The following PRKCB variants were observed in gnomAD, a reference collection of about 807,000 sequenced individuals.
The protein encoded by PRKCB is protein kinase C beta.
A neutral mutation model predicts 81.5 loss-of-function variants in PRKCB; 13 were observed. The observed-to-expected ratio is 0.16, with a 90% CI of 0.10 to 0.25. PRKCB has a LOEUF of 0.25. PRKCB is among the 10% of genes least tolerant of loss of function. The pLI, the probability that PRKCB is intolerant of heterozygous loss-of-function variation, is 1.00. For missense variants in PRKCB, 509 were observed against 875.7 expected (o/e 0.58, Z 5.29); for synonymous variants, 335 against 321.4 (o/e 1.04, Z -0.45).
chr16:24,045,980 C>A (rs945319353), intron 5 of PRKCB, among the ~76,000 whole-genome samples: 2 of 152,216 alleles, frequency 1.3e-5, no homozygotes, highest in African/African-American at 4.8e-5. Context: ...GGTGTCAGTC[C>A]CGCCAGGGCT....
chr16:23,897,735 C>T (rs1229577256), intron 2 of PRKCB, among the ~76,000 whole-genome samples: 1 of 152,186 alleles, frequency 6.6e-6, no homozygotes, highest in African/African-American at 2.4e-5. Flanking sequence ...GACTGGACTA[C>T]TTGATCTCTC....
At chr16:23,982,087 T>TA (rs1964734106) in intron 2 of PRKCB, among the ~76,000 whole-genome samples, 1 of 100,444 alleles carries the variant, frequency 1.0e-5, no homozygotes, top group South Asian at 3.6e-4. Context: ...CCCTTTCCCT[T>TA]CCCTTTCCTT....
At chr16:24,162,694 T>C (rs1967278118) in intron 10 of PRKCB, among the ~76,000 whole-genome samples, 1 of 151,838 alleles carries the variant, frequency 6.6e-6, no homozygotes, top group Admixed American at 6.6e-5. Context: ...GCTCAAGTAG[T>C]CCCCATACCT....
intron 13 of PRKCB, among the ~76,000 whole-genome samples, chr16:24,184,662 G>A (rs773019827): frequency 1.8e-4 from 28 of 152,048 alleles, no homozygotes; most frequent in Non-Finnish European, 3.8e-4. Flanking sequence ...CTTTTATAAA[G>A]AAATATTAAA....
chr16:24,215,544 C>T lies in PRKCB; in HGVS notation c.*728C>T, dbSNP rs976177574. On this transcript the variant is annotated 3_prime_UTR_variant, in exon 17 of 17. Coordinates refer to ENST00000643927, the MANE Select transcript of PRKCB (RefSeq NM_002738.7). The stretch of plus-strand genomic sequence containing the variant: ...TTTGGCACCACTCTCTGAAACAACA[C>T]AGTCACTCTAGCAAGGCCCCCAAAG... 3.0e-6 allele frequency: 3 copies of T among 985,598 alleles called. No individual in the cohort carries two copies. Among genetic ancestry groups the T allele is most frequent in the African/African-American group, 1.7e-5 (1 of 57,186 alleles). 61.1% of individuals were successfully genotyped at this position (985,598 alleles called of 1,614,324 possible).
At chr16:24,001,326 G>T (rs934989636) in intron 3 of PRKCB, among the ~76,000 whole-genome samples, 1 of 152,116 alleles carries the variant, frequency 6.6e-6, no homozygotes, top group African/African-American at 2.4e-5. Flanking sequence ...CCACTGTTAG[G>T]TCCTGTGATC....
rs905397219 is a variant in PRKCB, at chr16:23,859,258, C to A, written c.205+21852C>A. Reference sequence around the variant, plus strand: ...GAAGGTCCAGGTTCAGCTACTCCACCAGTATCCCTGGTCAGTCTTTGGCCA... The same window carrying A: ...GAAGGTCCAGGTTCAGCTACTCCACAAGTATCCCTGGTCAGTCTTTGGCCA... On this transcript the variant is annotated intron_variant, in intron 2 of 16. Transcript: ENST00000643927. Among the ~76,000 whole-genome samples the A allele has an allele frequency of 7.9e-5, 12 of 152,228 alleles. 1 individual carries two copies. Among genetic ancestry groups the A allele is most frequent in the Admixed American group, 4.6e-4 (7 of 15,288 alleles).
In PRKCB at chr16:24,218,886, G is replaced by T. The variant is rs1968275122; in HGVS notation, c.*4070G>T. ...TCCCTCCAGTCCGAGAGACTGTGATGAGGCCTACATAGCAGCGATGTGGTC... is the reference window on the plus strand; with the variant it reads ...TCCCTCCAGTCCGAGAGACTGTGATTAGGCCTACATAGCAGCGATGTGGTC... On this transcript the variant is annotated 3_prime_UTR_variant, in exon 17 of 17. Transcript: ENST00000643927. 5 of 985,406 alleles carry T rather than the reference G, an allele frequency of 5.1e-6. No individual in the cohort carries two copies. Among genetic ancestry groups the T allele is most frequent in the Non-Finnish European group, 6.0e-6 (5 of 829,936 alleles). The allele number at this position is 985,406 out of a possible 1,614,324, so 61.0% of individuals were successfully genotyped here.
chr16:24,083,426 C>G (rs1392356827), intron 5 of PRKCB, among the ~76,000 whole-genome samples: 1 of 152,176 alleles, frequency 6.6e-6, no homozygotes, highest in African/African-American at 2.4e-5. Context: ...ATTTGAAGAC[C>G]ACTGAAATAT....
chr16:23,901,854 A>T (rs1428070604), intron 2 of PRKCB, among the ~76,000 whole-genome samples: 1 of 152,180 alleles, frequency 6.6e-6, no homozygotes, highest in Admixed American at 6.5e-5. Flanking sequence ...TTGCAAATAC[A>T]CACTGGAAGT....
At chr16:23,867,027 T>C (rs994954133) in intron 2 of PRKCB, among the ~76,000 whole-genome samples, 2 of 99,890 alleles carry the variant, frequency 2.0e-5, no homozygotes, top group Admixed American at 1.0e-4. Flanking sequence ...CTTCCTTCCT[T>C]CCTTCCTTCC....
At chr16:24,006,748 G>A (rs530573420) in intron 3 of PRKCB, among the ~76,000 whole-genome samples, 6 of 152,112 alleles carry the variant, frequency 3.9e-5, no homozygotes, top group Non-Finnish European at 5.9e-5. Flanking sequence ...CTCTTGGGTC[G>A]GGCTTTTAAA....
intron 7 of PRKCB, among the ~76,000 whole-genome samples, chr16:24,096,589 T>C (rs958854512): frequency 6.0e-5 from 9 of 149,748 alleles, no homozygotes; most frequent in Non-Finnish European, 1.2e-4. Flanking sequence ...TGGGGTGTTG[T>C]TTTCATAGTC....
intron 10 of PRKCB, among the ~76,000 whole-genome samples, chr16:24,168,716 A>ATTT (rs945320742): frequency 2.7e-5 from 2 of 74,520 alleles, no homozygotes; most frequent in African/African-American, 4.6e-5. Flanking sequence ...ATGCCTGGCT[A>ATTT]TTTTTTTTTT....
intron 2 of PRKCB, among the ~76,000 whole-genome samples, chr16:23,961,580 A>T (rs1260072633): frequency 6.6e-6 from 1 of 152,172 alleles, no homozygotes; most frequent in Non-Finnish European, 1.5e-5. Context: ...TTTCATTCTC[A>T]TTGGCCTGTG....
intron 8 of PRKCB, among the ~76,000 whole-genome samples, chr16:24,114,179 A>G (rs915053735): frequency 1.4e-5 from 2 of 147,284 alleles, no homozygotes; most frequent in Non-Finnish European, 3.0e-5. Context: ...GTGCCACTGC[A>G]TGATCAGTAA....
Position 23,856,648 on chromosome 16 carries a change from T to C in PRKCB, c.205+19242T>C, listed in dbSNP as rs117212688. ...AAGAGATCCTCCCACCTCATTCTCATGAGTAGCTGGGACTTGAGGCACATG... is the reference window on the plus strand; with the variant it reads ...AAGAGATCCTCCCACCTCATTCTCACGAGTAGCTGGGACTTGAGGCACATG... On this transcript the variant is annotated intron_variant, in intron 2 of 16. Transcript: ENST00000643927. 1.4e-3 allele frequency among the ~76,000 whole-genome samples: 209 copies of C among 152,126 alleles called. 7 individuals carry two copies. In the East Asian group the frequency reaches 0.035, roughly 25 times the overall value.
intron 2 of PRKCB, among the ~76,000 whole-genome samples, chr16:23,945,893 C>T (rs139064217): frequency 4.8e-4 from 73 of 152,222 alleles, no homozygotes; most frequent in African/African-American, 1.7e-3. Flanking sequence ...AAGAGATCCA[C>T]GCCATTGGCT....
chr16:24,090,838 G>C (rs1310743009), intron 5 of PRKCB, among the ~76,000 whole-genome samples: 1 of 152,110 alleles, frequency 6.6e-6, no homozygotes, highest in Non-Finnish European at 1.5e-5. Context: ...ACTATGATTG[G>C]GGGTGAGCAA....
Sources: gnomAD v4.1 joint callset for allele counts (sites outside exome capture counted in the v4.1 genomes callset) on GRCh38, gnomAD v4.1.1 for gene constraint, MANE v1.5 for transcripts, NCBI Gene and HGNC (gene_info 2026-07-23, HGNC 2026-07-21) for gene names.